DLC1: variants seen among roughly 807,000 people sequenced by gnomAD.
DLC1 encodes the protein DLC1 Rho GTPase activating protein.
A neutral mutation model predicts 140.3 loss-of-function variants in DLC1; 54 were observed. That is an observed-to-expected ratio of 0.38 (90% confidence interval 0.31 to 0.48). The LOEUF (loss-of-function observed/expected upper bound fraction) is 0.48, where lower values mean the gene tolerates loss of function less well. Ranked by LOEUF, DLC1 falls within the 20% of genes least tolerant of loss-of-function variation. The pLI is 0.96. For missense variants in DLC1, 2,536 were observed against 1,907.0 expected (o/e 1.33, Z -6.14); for synonymous variants, 986 against 728.1 (o/e 1.35, Z -5.70).
At chr8:13,284,184 C>G (rs1831461684) in intron 5 of DLC1, among the ~76,000 whole-genome samples, 1 of 152,046 alleles carries the variant, frequency 6.6e-6, no homozygotes, top group Non-Finnish European at 1.5e-5. Context: ...CTAAATTAGT[C>G]CTAGAATAAA....
intron 4 of DLC1, among the ~76,000 whole-genome samples, chr8:13,349,949 C>G (rs2117024935): frequency 6.6e-6 from 1 of 152,320 alleles, no homozygotes; most frequent in Non-Finnish European, 1.5e-5. Context: ...CGACTTCAGT[C>G]TCTGAGACCA....
At chr8:13,206,254 C>T (rs1359108640) in intron 5 of DLC1, among the ~76,000 whole-genome samples, 2 of 152,086 alleles carry the variant, frequency 1.3e-5, no homozygotes, top group Middle Eastern at 3.2e-3. Context: ...TGGAAAACAA[C>T]GTGGTTAGCA....
At chr8:13,397,990 G>A (rs1837124076) in intron 3 of DLC1, among the ~76,000 whole-genome samples, 1 of 151,476 alleles carries the variant, frequency 6.6e-6, no homozygotes, top group Non-Finnish European at 1.5e-5. Flanking sequence ...AATTAGCTGG[G>A]CATGGTGGTG....
At chr8:13,567,295 C>G (rs111582934) in intron 1 of DLC1, 1 of 1,551,704 alleles carries the variant, frequency 6.4e-7, no homozygotes. Context: ...TGAACGGCAC[C>G]AACCAGACAC....
chr8:13,495,351 T>G (rs1365364315), intron 2 of DLC1, among the ~76,000 whole-genome samples: 1 of 152,212 alleles, frequency 6.6e-6, no homozygotes, highest in East Asian at 1.9e-4. Context: ...CTTCTTAGAC[T>G]GTCTCCCTCC....
At chr8:13,246,604 G>A (rs1262799940) in intron 5 of DLC1, among the ~76,000 whole-genome samples, 1 of 151,948 alleles carries the variant, frequency 6.6e-6, no homozygotes, top group African/African-American at 2.4e-5. Context: ...TATCAATGCA[G>A]TTTCTCATCA....
At chr8:13,395,651 A>T (rs1339456837) in intron 3 of DLC1, among the ~76,000 whole-genome samples, 1 of 152,214 alleles carries the variant, frequency 6.6e-6, no homozygotes, top group African/African-American at 2.4e-5. Context: ...CTGTAAAATT[A>T]TGTGATCAAA....
rs1804440862 is a variant in DLC1, at chr8:13,566,710, G to A, written c.-126+37827C>T. On this transcript the variant is annotated intron_variant, in intron 1 of 1. Transcript: ENST00000631382. ...TCGACTTTAGCACCAAAGAGAAGCAGGAGTGCAGAAGACAGGGCAAAATCG... is the reference window on the plus strand; with the variant it reads ...TCGACTTTAGCACCAAAGAGAAGCAAGAGTGCAGAAGACAGGGCAAAATCG... The A allele has an allele frequency of 7.1e-6, 3 of 423,246 alleles. No individual in the cohort carries two copies. In the South Asian group the frequency reaches 1.6e-4, roughly 22 times the overall value. 26.2% of individuals were successfully genotyped at this position (423,246 alleles called of 1,614,324 possible).
chr8:13,437,267 A>G (rs935385648), intron 2 of DLC1, among the ~76,000 whole-genome samples: 7 of 152,192 alleles, frequency 4.6e-5, no homozygotes, highest in African/African-American at 1.7e-4. Context: ...AGATGATGGG[A>G]CAGTGTATTT....
At chr8:13,321,383 C>A (rs1563251582) in intron 4 of DLC1, among the ~76,000 whole-genome samples, 1 of 151,578 alleles carries the variant, frequency 6.6e-6, no homozygotes, top group African/African-American at 2.4e-5. Flanking sequence ...ACTAAAAATG[C>A]AAAAATTAGC....
intron 2 of DLC1, among the ~76,000 whole-genome samples, chr8:13,451,442 G>A (rs1292459978): frequency 6.6e-6 from 1 of 152,058 alleles, no homozygotes; most frequent in Non-Finnish European, 1.5e-5. Flanking sequence ...TCTCCCTGTT[G>A]TGCTATGAAA....
At chr8:13,453,450 A>ATATGTG (rs1563360166) in intron 2 of DLC1, among the ~76,000 whole-genome samples, 4 of 25,912 alleles carry the variant, frequency 1.5e-4, no homozygotes, top group Admixed American at 8.6e-4. Context: ...ATATATATAC[A>ATATGTG]TATATATATG....
At chr8:13,346,480 G>T (rs1030419235) in intron 4 of DLC1, among the ~76,000 whole-genome samples, 1 of 152,036 alleles carries the variant, frequency 6.6e-6, no homozygotes, top group South Asian at 2.1e-4. Context: ...TCTCACAGAC[G>T]GCAAAAACTA....
At chr8:13,521,712 A>G (rs1024572399) in intron 1 of DLC1, among the ~76,000 whole-genome samples, 1 of 152,148 alleles carries the variant, frequency 6.6e-6, no homozygotes, top group African/African-American at 2.4e-5. Context: ...TGAAGCAGGT[A>G]TGAAATGTGA....
chr8:13,455,702 G>C (rs1253965609), intron 2 of DLC1, among the ~76,000 whole-genome samples: 1 of 152,048 alleles, frequency 6.6e-6, no homozygotes, highest in African/African-American at 2.4e-5. Context: ...TGTCATTTCA[G>C]TCAAGTTGCA....
At chr8:13,544,310 C>G (rs573108593) in intron 1 of DLC1, among the ~76,000 whole-genome samples, 3 of 151,926 alleles carry the variant, frequency 2.0e-5, no homozygotes, top group Non-Finnish European at 4.4e-5. Context: ...CTTGGAGCAG[C>G]CAAAATAAAC....
chr8:13,088,857 G>T (rs981147174), intron 15 of DLC1, 153 bp from the exon 16 acceptor site: 2 of 602,880 alleles, frequency 3.3e-6, no homozygotes, highest in Non-Finnish European at 2.8e-6. Flanking sequence ...AGTATATAAA[G>T]AAATATTGGG....
chr8:13,454,009 T>C (rs1799275088), intron 2 of DLC1, among the ~76,000 whole-genome samples: 2 of 152,138 alleles, frequency 1.3e-5, no homozygotes, highest in Non-Finnish European at 2.9e-5. Context: ...TGTAAATCCT[T>C]CTCATGGTTA....
chr8:13,552,114 T>TAC (rs1491369456), intron 1 of DLC1, among the ~76,000 whole-genome samples: 2 of 74,412 alleles, frequency 2.7e-5, no homozygotes, highest in African/African-American at 8.4e-5. Context: ...TAGAGGTGTA[T>TAC]ATATATATAT....
Sources: allele counts gnomAD v4.1 joint callset (sites outside exome capture counted in the v4.1 genomes callset), GRCh38; gene constraint gnomAD v4.1.1; transcripts MANE v1.5; gene names NCBI Gene and HGNC (gene_info 2026-07-23, HGNC 2026-07-21).